The following PCDH15 variants were observed in gnomAD, a reference collection of about 807,000 sequenced individuals.
PCDH15 encodes the protein protocadherin-15.
PCDH15 carries 129 observed loss-of-function variants against 178.5 expected under a neutral mutation model. That is an observed-to-expected ratio of 0.72 (90% CI 0.63 to 0.84). The LOEUF is 0.84. Among genes scored for constraint, PCDH15 ranks in the 40% least tolerant of loss-of-function variants. The pLI is 0.00. For synonymous variants in PCDH15, 800 were observed against 732.0 expected, an observed-to-expected ratio of 1.09 and a Z score of -1.50; for missense variants, 2,230 against 2,099.9, an observed-to-expected ratio of 1.06 and a Z score of -1.21.
intron 3 of PCDH15, among the ~76,000 whole-genome samples, chr10:54,828,515 A>AT (rs1368407541): frequency 6.6e-6 from 1 of 151,690 alleles, no homozygotes; most frequent in Non-Finnish European, 1.5e-5. Flanking sequence ...GTGTGTGTAT[A>AT]TTTTTTCTCC....
chr10:55,224,680 T>G (rs1285763748), intron 1 of PCDH15, among the ~76,000 whole-genome samples: 1 of 152,118 alleles, frequency 6.6e-6, no homozygotes, highest in Non-Finnish European at 1.5e-5. Context: ...AAATACTCAC[T>G]GAATGAATAA....
At chr10:54,558,864 T>C (rs1164309436) in intron 2 of PCDH15, among the ~76,000 whole-genome samples, 1 of 152,124 alleles carries the variant, frequency 6.6e-6, no homozygotes, top group Admixed American at 6.6e-5. Context: ...AATTAGTTGA[T>C]ATACTATTTT....
intron 2 of PCDH15, among the ~76,000 whole-genome samples, chr10:55,105,162 T>C (rs934755350): frequency 6.6e-5 from 10 of 152,226 alleles, no homozygotes; most frequent in Admixed American, 6.5e-4. Context: ...TGTAACTTTT[T>C]ATAATAGATT....
intron 2 of PCDH15, among the ~76,000 whole-genome samples, chr10:55,380,965 C>T (rs1007766551): frequency 7.9e-5 from 12 of 152,216 alleles, no homozygotes; most frequent in African/African-American, 2.9e-4. Flanking sequence ...TATAAAGAGC[C>T]TCTTTGGGAT....
At chr10:54,886,034 T>C (rs1032099369) in intron 3 of PCDH15, among the ~76,000 whole-genome samples, 1 of 152,056 alleles carries the variant, frequency 6.6e-6, no homozygotes, top group Non-Finnish European at 1.5e-5. Flanking sequence ...CTCTCTCTCT[T>C]CCCCTGCCCT....
At chr10:54,144,546 T>G (rs1197586664) in intron 14 of PCDH15, among the ~76,000 whole-genome samples, 1 of 152,140 alleles carries the variant, frequency 6.6e-6, no homozygotes, top group Non-Finnish European at 1.5e-5. Flanking sequence ...TGTTACATTT[T>G]TTTCCCTGCT....
chr10:54,606,322 G>GAGAATTGCTGCCAA, intron 2 of PCDH15: 1 of 152,196 alleles, frequency 6.6e-6, no homozygotes, highest in East Asian at 1.9e-4. Flanking sequence ...CCTGAGAGGT[G>GAGAATTGCTGCCAA]AGAATTGCTG....
chr10:55,384,128 C>A (rs1466345541), intron 2 of PCDH15, among the ~76,000 whole-genome samples: 1 of 151,990 alleles, frequency 6.6e-6, no homozygotes, highest in East Asian at 1.9e-4. Context: ...AAACAGAAAT[C>A]CAGGACAGTT....
intron 2 of PCDH15, among the ~76,000 whole-genome samples, chr10:55,131,172 A>G (rs991487924): frequency 1.3e-5 from 2 of 151,998 alleles, no homozygotes; most frequent in Admixed American, 1.3e-4. Context: ...CTGCCCCACA[A>G]ATCCTTGGTC....
At chr10:54,896,633 C>T (rs927038451) in intron 3 of PCDH15, among the ~76,000 whole-genome samples, 2 of 151,794 alleles carry the variant, frequency 1.3e-5, no homozygotes, top group African/African-American at 4.8e-5. Flanking sequence ...TCCTAAAATC[C>T]AGGGCCTTGA....
intron 2 of PCDH15, among the ~76,000 whole-genome samples, chr10:55,529,377 T>A (rs1841391074): frequency 6.6e-6 from 1 of 152,050 alleles, no homozygotes; most frequent in Non-Finnish European, 1.5e-5. Context: ...TATTTAAGTC[T>A]TTAATCCATC....
chr10:55,060,209 G>T (rs900918697), intron 2 of PCDH15, among the ~76,000 whole-genome samples: 7 of 152,040 alleles, frequency 4.6e-5, no homozygotes, highest in African/African-American at 1.7e-4. Context: ...TCAGTTTATT[G>T]ATCTGGGCAA....
intron 25 of PCDH15, among the ~76,000 whole-genome samples, chr10:53,903,755 C>T (rs2082484402): frequency 1.3e-5 from 2 of 152,008 alleles, no homozygotes; most frequent in African/African-American, 4.8e-5. Flanking sequence ...GTAGAAACTG[C>T]CATAAACTAT....
rs1461894548 is a variant in PCDH15, at chr10:53,803,489, TC to T, written c.*3089del. 2 of 151,974 alleles carry T rather than the reference TC, an allele frequency of 1.3e-5. No individual in the cohort carries two copies. The highest frequency in any genetic ancestry group is 2.9e-5 in the Non-Finnish European group (2 of 67,910). 9.4% of individuals were successfully genotyped at this position (151,974 alleles called of 1,614,324 possible). On this transcript the variant is annotated 3_prime_UTR_variant, in exon 38 of 38. Coordinates refer to ENST00000644397, the MANE Select transcript of PCDH15 (RefSeq NM_001384140.1). ...CTTAAGTAAATAATAGTCTTTAACA[TC>T]CCTGTGAACAATGTGGTAAAATAAC...
At chr10:55,332,475 C>T (rs992585256) in intron 2 of PCDH15, among the ~76,000 whole-genome samples, 3 of 152,046 alleles carry the variant, frequency 2.0e-5, no homozygotes, top group African/African-American at 7.2e-5. Context: ...TTCCAATTGA[C>T]ACTAAAAATA....
intron 2 of PCDH15, among the ~76,000 whole-genome samples, chr10:55,124,992 T>A (rs539039355): frequency 5.9e-5 from 9 of 152,068 alleles, no homozygotes; most frequent in African/African-American, 1.7e-4. Context: ...TAAAATGCTC[T>A]CTATAAAAAA....
chr10:54,354,926 G>A (rs1013190877), intron 5 of PCDH15, among the ~76,000 whole-genome samples: 1 of 151,766 alleles, frequency 6.6e-6, no homozygotes, highest in Non-Finnish European at 1.5e-5. Context: ...ATGAGAAATG[G>A]ATTTGGAAAG....
intron 15 of PCDH15, among the ~76,000 whole-genome samples, chr10:54,124,661 A>G (rs2041838689): frequency 1.3e-5 from 2 of 152,206 alleles, no homozygotes; most frequent in Non-Finnish European, 2.9e-5. Context: ...GTGACATTAT[A>G]AATTTTACGA....
At chr10:54,835,571 C>A (rs971737944) in intron 3 of PCDH15, among the ~76,000 whole-genome samples, 1 of 152,098 alleles carries the variant, frequency 6.6e-6, no homozygotes, top group African/African-American at 2.4e-5. Flanking sequence ...CACATCCCCA[C>A]CTTGATGCAC....
Sources: gnomAD v4.1 joint callset for allele counts (sites outside exome capture counted in the v4.1 genomes callset) on GRCh38, gnomAD v4.1.1 for gene constraint, MANE v1.5 for transcripts, NCBI Gene and HGNC (gene_info 2026-07-23, HGNC 2026-07-21) for gene names.